The following SNX7 variants were observed in gnomAD, a reference collection of about 807,000 sequenced individuals.
SNX7 encodes the protein sorting nexin-7.
Under a neutral mutation model 48.4 loss-of-function variants are expected in SNX7, and 35 were observed. The ratio of observed to expected loss-of-function variants is 0.72; its 90% CI spans 0.55 to 0.96. SNX7 has a LOEUF of 0.96. SNX7 is among the 40% of genes least tolerant of loss of function. SNX7 has a pLI of 0.00. For synonymous variants in SNX7, 190 were observed against 190.2 expected (o/e 1.00, Z 0.01); for missense variants, 553 against 548.9 (o/e 1.01, Z -0.07).
At chr1:98,667,963 A>G (rs1649632943) in intron 1 of SNX7, among the ~76,000 whole-genome samples, 1 of 152,066 alleles carries the variant, frequency 6.6e-6, no homozygotes, top group South Asian at 2.1e-4. Context: ...ATAAAACAAA[A>G]TAGGGCTGAT....
intron 1 of SNX7, among the ~76,000 whole-genome samples, chr1:98,669,991 G>A (rs1022141252): frequency 2.0e-5 from 3 of 152,298 alleles, no homozygotes; most frequent in Middle Eastern, 3.4e-3. Flanking sequence ...AATGAATGAC[G>A]TAGCCTCTGA....
At chr1:98,746,845 A>ACC (rs1654331577) in intron 8 of SNX7, among the ~76,000 whole-genome samples, 1 of 152,022 alleles carries the variant, frequency 6.6e-6, no homozygotes. Context: ...ACATTCCGGG[A>ACC]GGTAAATCTA....
chr1:98,688,065 G>A (rs1650902132), intron 2 of SNX7, among the ~76,000 whole-genome samples: 1 of 152,146 alleles, frequency 6.6e-6, no homozygotes, highest in Non-Finnish European at 1.5e-5. Context: ...TTTCTTTATA[G>A]TTATAAATAT....
intron 8 of SNX7, among the ~76,000 whole-genome samples, chr1:98,750,641 A>G (rs1344491856): frequency 6.6e-6 from 1 of 152,000 alleles, no homozygotes; most frequent in African/African-American, 2.4e-5. Flanking sequence ...TGAGCCCAAA[A>G]TTGCCACCAT....
chr1:98,733,309 C>T (rs1215669639), intron 7 of SNX7, among the ~76,000 whole-genome samples: 1 of 152,126 alleles, frequency 6.6e-6, no homozygotes, highest in Non-Finnish European at 1.5e-5. Context: ...CAGGGCTAGA[C>T]CCTCCTGACT....
chr1:98,707,233 C>T (rs991994871), intron 7 of SNX7, among the ~76,000 whole-genome samples: 18 of 152,104 alleles, frequency 1.2e-4, no homozygotes, highest in Non-Finnish European at 2.2e-4. Context: ...ATTAACTAAA[C>T]GGATCTGATT....
At chr1:98,671,532 C>T (rs189125994) in intron 1 of SNX7, among the ~76,000 whole-genome samples, 1 of 151,958 alleles carries the variant, frequency 6.6e-6, no homozygotes, top group Non-Finnish European at 1.5e-5. Flanking sequence ...TTTTTAAATT[C>T]AATTTTATTG....
chr1:98,684,858 C>A, intron 1 of SNX7, 27 bp from the exon 2 acceptor site: 1 of 1,426,794 alleles, frequency 7.0e-7, no homozygotes, highest in Non-Finnish European at 9.3e-7. Flanking sequence ...TCTATTGATA[C>A]TAATTTTTGA....
intron 7 of SNX7, among the ~76,000 whole-genome samples, chr1:98,736,933 A>G (rs934159151): frequency 2.6e-5 from 4 of 152,178 alleles, no homozygotes; most frequent in South Asian, 2.1e-4. Context: ...CTTTTAAAAC[A>G]TAAGAGAGAT....
chr1:98,748,637 AAC>A (rs58973289), intron 8 of SNX7, among the ~76,000 whole-genome samples: 38,703 of 145,678 alleles, frequency 0.27, 5,448 homozygotes, highest in Non-Finnish European at 0.32. Flanking sequence ...AAATGATTTA[AAC>A]ACACACACAC....
intron 2 of SNX7, among the ~76,000 whole-genome samples, chr1:98,689,602 GT>G (rs1015109505): frequency 3.9e-5 from 6 of 151,952 alleles, no homozygotes; most frequent in Non-Finnish European, 1.5e-5. Flanking sequence ...TTAACTGCTG[GT>G]TTTTTTCTTT....
At chr1:98,725,579 T>G (rs1325563439) in intron 7 of SNX7, among the ~76,000 whole-genome samples, 1 of 152,176 alleles carries the variant, frequency 6.6e-6, no homozygotes, top group African/African-American at 2.4e-5. Flanking sequence ...AAAAAGATGT[T>G]TGGAAGTCGA....
chr1:98,664,315 G>A (rs1031493856), intron 1 of SNX7, among the ~76,000 whole-genome samples: 1 of 152,136 alleles, frequency 6.6e-6, no homozygotes, highest in Admixed American at 6.5e-5. Flanking sequence ...ATCACTTGAA[G>A]TCAGGAGTTC....
At chr1:98,694,475 T>C (rs1557802512) in intron 4 of SNX7, among the ~76,000 whole-genome samples, 1 of 151,816 alleles carries the variant, frequency 6.6e-6, no homozygotes, top group Admixed American at 6.6e-5. Context: ...TCAGGTAGTA[T>C]CTATTTACAA....
intron 1 of SNX7, among the ~76,000 whole-genome samples, chr1:98,682,991 T>C (rs934970598): frequency 2.6e-5 from 4 of 152,218 alleles, no homozygotes; most frequent in Non-Finnish European, 1.5e-5. Context: ...CATTTTTATA[T>C]TGCTATCATA....
chr1:98,697,198 A>T (rs930822183), intron 5 of SNX7, among the ~76,000 whole-genome samples: 3 of 152,112 alleles, frequency 2.0e-5, no homozygotes, highest in African/African-American at 7.2e-5. Context: ...TTTAACATAA[A>T]GACAGGCCTA....
In SNX7 at chr1:98,760,335, T is replaced by G; in HGVS notation, c.*204T>G. 2.4e-6 allele frequency: 1 copy of G among 418,394 alleles called. No homozygotes were observed. 25.9% of individuals were successfully genotyped at this position (418,394 alleles called of 1,614,324 possible). On this transcript the variant is annotated 3_prime_UTR_variant, in exon 9 of 9. Transcript: ENST00000306121. The stretch of plus-strand genomic sequence containing the variant: ...ATCTGTATGGATATATATCTATATG[T>G]ATATAGATATATAAATACAGAGAGA...
intron 1 of SNX7, among the ~76,000 whole-genome samples, chr1:98,663,979 C>T (rs1238994334): frequency 6.6e-6 from 1 of 152,196 alleles, no homozygotes; most frequent in Non-Finnish European, 1.5e-5. Flanking sequence ...TTGAATTTCT[C>T]AACCGTTATC....
intron 1 of SNX7, among the ~76,000 whole-genome samples, chr1:98,677,560 C>T (rs201467340): frequency 6.6e-6 from 1 of 151,982 alleles, no homozygotes; most frequent in African/African-American, 2.4e-5. Context: ...AAAGGCTAGA[C>T]AAGCCATGAC....
Sources: allele counts gnomAD v4.1 joint callset (sites outside exome capture counted in the v4.1 genomes callset), GRCh38; gene constraint gnomAD v4.1.1; transcripts MANE v1.5; gene names NCBI Gene and HGNC (gene_info 2026-07-23, HGNC 2026-07-21).